SYTL3: variants seen among roughly 807,000 people sequenced by gnomAD.
SYTL3 encodes synaptotagmin-like protein 3.
In SYTL3, 88 loss-of-function variants were observed where a neutral mutation model predicts 82.1. The ratio of observed to expected loss-of-function variants is 1.07; its 90% CI spans 0.90 to 1.28. SYTL3 has a LOEUF of 1.28. Ranked by LOEUF, SYTL3 falls within the 50% of genes most tolerant of loss-of-function variation. The pLI, the probability that SYTL3 is intolerant of heterozygous loss-of-function variation, is 0.00. For missense variants in SYTL3, 831 were observed against 757.6 expected (o/e 1.10, Z -1.14); for synonymous variants, 311 against 289.4 (o/e 1.07, Z -0.76).
At position 158,718,177 on chromosome 6, in the gene SYTL3, G is replaced by A. The variant is rs907356335; in HGVS notation, c.686G>A (p.Ser229Asn). 2 of 1,544,700 alleles carry A rather than the reference G, an allele frequency of 1.3e-6. No homozygotes were observed. The highest frequency in any genetic ancestry group is 1.7e-6 in the Non-Finnish European group (2 of 1,144,064). ...RQCVGQTERR[S>N]QSDTAVNVTT... ...TGTGTGGGACAGACAGAGAGACGGA[G>A]CCAGTCTGACACTGCGGTCAACGTC... is the stretch of plus-strand genomic sequence containing the variant. Residue 229 changes from serine (S) to asparagine (N), a missense_variant, in exon 10 of 18, where the codon AGC becomes AAC. By Grantham distance (46) the Ser-to-Asn change is conservative. Coordinates refer to ENST00000611299, the MANE Select transcript of SYTL3 (RefSeq NM_001242394.2).
rs747116407 is a variant in SYTL3 at position 158,745,484 on chromosome 6, GT to G, written c.863del (p.Leu288Ter). 1 of 1,607,154 alleles carries G rather than the reference GT, an allele frequency of 6.2e-7. No homozygotes were observed. The part of the protein sequence containing the change: ...TIFSGGFRHG[S>X]LISIDSTCTE... ...ATCTGTTATTCTTGATTTCAGGGAA[GT>G]TTAATTAGCATTGACAGCACCTGTA... On this transcript the variant is annotated frameshift_variant, in exon 12 of 18. Transcript: ENST00000611299. LOFTEE classifies it high-confidence loss of function.
chr6:158,694,322 GT>G (rs1344300399), intron 6 of SYTL3, among the ~76,000 whole-genome samples: 1 of 150,868 alleles, frequency 6.6e-6, no homozygotes, highest in African/African-American at 2.4e-5. Context: ...TTGAGATGAA[GT>G]TTCTCTCTGT....
chr6:158,657,929 G>C (rs1055293092), intron 2 of SYTL3, among the ~76,000 whole-genome samples: 16 of 145,496 alleles, frequency 1.1e-4, no homozygotes, highest in African/African-American at 3.9e-4. Context: ...GTCTTGCTCT[G>C]TCGCCCAGGC....
intron 5 of SYTL3, among the ~76,000 whole-genome samples, chr6:158,671,037 C>G (rs539557196): frequency 5.9e-5 from 9 of 152,034 alleles, no homozygotes; most frequent in Non-Finnish European, 1.3e-4. Flanking sequence ...ATCTCCTGAT[C>G]TAGTGTTCCG....
At chr6:158,646,937 GA>G (rs1355100124), upstream of SYTL3, among the ~76,000 whole-genome samples, 8 of 152,150 alleles carry the variant, frequency 5.3e-5, no homozygotes, top group East Asian at 1.5e-3. Context: ...AGGAGCCTCT[GA>G]AATCTTTTTT....
chr6:158,665,971 T>A (rs1330441432), intron 5 of SYTL3, among the ~76,000 whole-genome samples: 3 of 151,832 alleles, frequency 2.0e-5, no homozygotes, highest in Non-Finnish European at 4.4e-5. Context: ...ATTAGCCAAG[T>A]GTGGTGGTGC....
intron 11 of SYTL3, among the ~76,000 whole-genome samples, chr6:158,741,922 T>G (rs751487825): frequency 6.6e-6 from 1 of 152,236 alleles, no homozygotes; most frequent in Admixed American, 6.5e-5. Context: ...TTGCTCTCAA[T>G]TGGTTGTTGT....
At chr6:158,721,560 C>T (rs55924442) in intron 10 of SYTL3, among the ~76,000 whole-genome samples, 7,885 of 152,108 alleles carry the variant, frequency 0.052, 249 homozygotes, top group Middle Eastern at 0.071. Flanking sequence ...ATAAAGTACT[C>T]AGCAATGATA....
chr6:158,668,637 T>G (rs190584761), intron 5 of SYTL3, among the ~76,000 whole-genome samples: 127 of 152,216 alleles, frequency 8.3e-4, no homozygotes, highest in African/African-American at 3.0e-3. Context: ...GTCTGCCTGG[T>G]TTTGCAGGGC....
chr6:158,693,850 C>CTTTTTTTT lies in SYTL3; in HGVS notation c.394+10865_394+10866insTTTTTTTT, dbSNP rs1357595960. On this transcript the variant is annotated intron_variant, in intron 6 of 17. Coordinates refer to ENST00000611299, the MANE Select transcript of SYTL3 (RefSeq NM_001242394.2). Reference sequence around the variant, plus strand: ...GCCACTGCATCCAGCCTTTCTTTTTCTTTTCTTTTTTTTTTTTTTTTTTGT... The same window carrying CTTTTTTTT: ...GCCACTGCATCCAGCCTTTCTTTTTCTTTTTTTTTTTTCTTTTTTTTTTTTTTTTTTGT... Among the ~76,000 whole-genome samples the CTTTTTTTT allele has an allele frequency of 5.3e-4, 31 of 58,430 alleles. 1 individual carries two copies. Among genetic ancestry groups the CTTTTTTTT allele is most frequent in the African/African-American group, 1.3e-3 (10 of 7,448 alleles). The allele number at this position is 58,430 out of a possible 152,430, so 38.3% of individuals were successfully genotyped here.
At chr6:158,739,054 G>A (rs571018756) in intron 11 of SYTL3, among the ~76,000 whole-genome samples, 1 of 152,336 alleles carries the variant, frequency 6.6e-6, no homozygotes, top group African/African-American at 2.4e-5. Context: ...GCAAAAGAAG[G>A]CGCCGTCTCT....
At chr6:158,722,072 T>C (rs1242899586) in intron 10 of SYTL3, among the ~76,000 whole-genome samples, 1 of 152,202 alleles carries the variant, frequency 6.6e-6, no homozygotes, top group African/African-American at 2.4e-5. Flanking sequence ...TGGCCCTGCT[T>C]TGGAAGTAGA....
At chr6:158,703,511 C>T (rs573782129) in intron 6 of SYTL3, among the ~76,000 whole-genome samples, 8 of 152,282 alleles carry the variant, frequency 5.3e-5, no homozygotes, top group African/African-American at 1.9e-4. Flanking sequence ...AAGGAAGCTT[C>T]TAGGAAGAAA....
intron 10 of SYTL3, 82 bp downstream of exon 10, chr6:158,718,293 T>C: frequency 7.7e-7 from 1 of 1,299,602 alleles, no homozygotes; most frequent in Non-Finnish European, 9.9e-7. Flanking sequence ...TCTCTGTAGA[T>C]TTATGTTTTC....
At chr6:158,702,514 C>A (rs1466320687) in intron 6 of SYTL3, among the ~76,000 whole-genome samples, 1 of 151,294 alleles carries the variant, frequency 6.6e-6, no homozygotes, top group African/African-American at 2.4e-5. Flanking sequence ...TGCACTCCAG[C>A]CTGAGTGACA....
At chr6:158,763,928 C>T (rs1790373881) in intron 17 of SYTL3, among the ~76,000 whole-genome samples, 1 of 152,028 alleles carries the variant, frequency 6.6e-6, no homozygotes, top group Non-Finnish European at 1.5e-5. Flanking sequence ...GGTAGGTGGA[C>T]AGCCCTCTGC....
intron 6 of SYTL3, among the ~76,000 whole-genome samples, chr6:158,700,775 G>A (rs922886454): frequency 6.6e-6 from 1 of 152,082 alleles, no homozygotes; most frequent in Non-Finnish European, 1.5e-5. Flanking sequence ...CGCCACCACG[G>A]CCGGCTAATT....
At chr6:158,690,935 G>A (rs1779797573) in intron 6 of SYTL3, among the ~76,000 whole-genome samples, 2 of 152,268 alleles carry the variant, frequency 1.3e-5, no homozygotes, top group South Asian at 4.1e-4. Context: ...TCCGTGCAGA[G>A]GGTTTTTAAT....
intron 8 of SYTL3, among the ~76,000 whole-genome samples, chr6:158,711,996 G>C (rs182411627): frequency 8.9e-4 from 136 of 152,262 alleles, no homozygotes; most frequent in African/African-American, 3.2e-3. Flanking sequence ...TAACCATCTG[G>C]GAATGCAGCC....
Sources: gnomAD v4.1 joint callset for allele counts (sites outside exome capture counted in the v4.1 genomes callset) on GRCh38, gnomAD v4.1.1 for gene constraint, MANE v1.5 for transcripts, NCBI Gene and HGNC (gene_info 2026-07-23, HGNC 2026-07-21) for gene names.